Variants in ADAMTS16 observed in about 807,000 individuals in gnomAD.
ADAMTS16 encodes the protein ADAM metallopeptidase with thrombospondin type 1 motif 16, also known as A disintegrin and metalloproteinase with thrombospondin motifs 16.
ADAMTS16 carries 94 observed loss-of-function variants against 145.8 expected under a neutral mutation model. That is an observed-to-expected ratio of 0.64 (90% CI 0.55 to 0.77). The LOEUF is 0.77. Among genes scored for constraint, ADAMTS16 ranks in the 30% least tolerant of loss-of-function variants. The pLI is 0.00. For synonymous variants in ADAMTS16, 659 were observed against 604.3 expected, an observed-to-expected ratio of 1.09 and a Z score of -1.33; for missense variants, 1,585 against 1,591.5, an observed-to-expected ratio of 1.00 and a Z score of 0.07.
In ADAMTS16 at chr5:5,222,803, C is replaced by A. The variant is rs763587606; in HGVS notation, c.1620C>A (p.Ala540=). The A allele has an allele frequency of 1.2e-6, 2 of 1,613,950 alleles. No homozygotes were observed. Among genetic ancestry groups the A allele is most frequent in the South Asian group, 2.2e-5 (2 of 91,062 alleles). ...AATTTCTTTAGGACATCTGTAAAGC[C>A]CTGTGGTGCCATCGTATTGGAAGGA... ...MLDFKKDICK[A]LWCHRIGRKC... is the part of the protein sequence containing the mutation. The change falls in exon 11 of 23, where the codon GCC becomes GCA. Residue 540 remains alanine (A), a synonymous_variant. Transcript: ENST00000274181.
intron 12 of ADAMTS16, among the ~76,000 whole-genome samples, chr5:5,233,568 A>G (rs185513523): frequency 6.6e-6 from 1 of 152,126 alleles, no homozygotes; most frequent in East Asian, 1.9e-4. Flanking sequence ...TTCAGCTCTC[A>G]CTTATAAGTG....
chr5:5,215,868 G>GTGTATGTA (rs1553991470), intron 10 of ADAMTS16, among the ~76,000 whole-genome samples: 1 of 51,086 alleles, frequency 2.0e-5, no homozygotes, highest in African/African-American at 5.9e-5. Flanking sequence ...TGGTGTGTAT[G>GTGTATGTA]TGTATATATA....
intron 10 of ADAMTS16, among the ~76,000 whole-genome samples, chr5:5,216,209 T>C (rs1736436173): frequency 6.6e-6 from 1 of 151,948 alleles, no homozygotes; most frequent in South Asian, 2.1e-4. Flanking sequence ...ACATCTACTG[T>C]TTTTTGATTT....
intron 11 of ADAMTS16, among the ~76,000 whole-genome samples, chr5:5,231,189 A>T (rs1345705392): frequency 6.6e-6 from 1 of 152,148 alleles, no homozygotes; most frequent in Non-Finnish European, 1.5e-5. Flanking sequence ...ACCGGGTGGG[A>T]GGGCAGGCAG....
chr5:5,316,888 G>T (rs1249222304), intron 21 of ADAMTS16, among the ~76,000 whole-genome samples: 1 of 152,198 alleles, frequency 6.6e-6, no homozygotes, highest in East Asian at 1.9e-4. Flanking sequence ...CAGAGAACAA[G>T]CCTGGTATCC....
chr5:5,146,986 C>T (rs1435791948), intron 3 of ADAMTS16, among the ~76,000 whole-genome samples: 1 of 152,094 alleles, frequency 6.6e-6, no homozygotes, highest in Non-Finnish European at 1.5e-5. Context: ...ACTGATGAAT[C>T]CAGGGGTGCA....
chr5:5,260,037 C>G (rs1353159930), intron 17 of ADAMTS16, among the ~76,000 whole-genome samples: 1 of 152,226 alleles, frequency 6.6e-6, no homozygotes, highest in Non-Finnish European at 1.5e-5. Flanking sequence ...GTTGAATCTA[C>G]AGACTTACCA....
intron 14 of ADAMTS16, among the ~76,000 whole-genome samples, chr5:5,237,549 A>G (rs1263154270): frequency 2.0e-5 from 3 of 152,180 alleles, no homozygotes; most frequent in Admixed American, 6.5e-5. Flanking sequence ...GAGGGTCTCC[A>G]AGGCCGACTC....
chr5:5,241,629 G>T (rs549085960), intron 16 of ADAMTS16, among the ~76,000 whole-genome samples: 22 of 152,274 alleles, frequency 1.4e-4, no homozygotes, highest in South Asian at 6.2e-4. Context: ...TCCCTCAGAT[G>T]CAGGGATTTG....
chr5:5,236,272 T>C (rs2964434), intron 13 of ADAMTS16, among the ~76,000 whole-genome samples: 150,367 of 151,946 alleles, frequency 0.99, 74,423 homozygotes, highest in Non-Finnish European at 1. Context: ...CTAAGACAGA[T>C]GAAATTTTCA....
At chr5:5,168,681 T>C (rs989126439) in intron 3 of ADAMTS16, among the ~76,000 whole-genome samples, 1 of 17,704 alleles carries the variant, frequency 5.6e-5, no homozygotes, top group Non-Finnish European at 1.1e-4. Context: ...TAATTATAAT[T>C]ATATAATTAT....
chr5:5,209,472 G>A (rs1736217740), intron 10 of ADAMTS16, among the ~76,000 whole-genome samples: 1 of 152,192 alleles, frequency 6.6e-6, no homozygotes, highest in Non-Finnish European at 1.5e-5. Flanking sequence ...GACTTGGCCT[G>A]TTAGGTTGGA....
At position 5,140,652 on chromosome 5, in the gene ADAMTS16, T is replaced by G. The variant is rs1366315879; in HGVS notation, c.73-12T>G. The G allele has an allele frequency of 6.5e-7, 1 of 1,541,854 alleles. No homozygotes were observed. The highest frequency in any genetic ancestry group is 8.7e-7 in the Non-Finnish European group (1 of 1,147,844). ...CGCCGTCTCACCGCGATGTCGCCGC[T>G]GTTTTCCGCAGGCACCTGCGTGCGC... On this transcript the variant is annotated splice_polypyrimidine_tract_variant and intron_variant, in intron 1 of 22. Transcript: ENST00000274181.
At chr5:5,186,301 G>GGTGTGTGT (rs1553989063) in intron 5 of ADAMTS16, 50 bp downstream of exon 5, 279 of 987,356 alleles carry the variant, frequency 2.8e-4, no homozygotes, top group African/African-American at 1.7e-3. Flanking sequence ...CACTTCGTAG[G>GGTGTGTGT]GTGTGTGTGT....
intron 6 of ADAMTS16, 75 bp from the exon 7 acceptor site, chr5:5,189,896 T>A: frequency 6.4e-7 from 1 of 1,556,942 alleles, no homozygotes; most frequent in Non-Finnish European, 8.8e-7. Flanking sequence ...AATAATAGTT[T>A]GCTGTGATGA....
At chr5:5,316,223 C>G (rs1005314134) in intron 21 of ADAMTS16, among the ~76,000 whole-genome samples, 2 of 152,290 alleles carry the variant, frequency 1.3e-5, no homozygotes, top group African/African-American at 4.8e-5. Flanking sequence ...CTGACATACT[C>G]TCTTGTAGGT....
chr5:5,178,571 A>T (rs758897714), intron 3 of ADAMTS16, among the ~76,000 whole-genome samples: 1 of 152,226 alleles, frequency 6.6e-6, no homozygotes, highest in Non-Finnish European at 1.5e-5. Context: ...TATCAGTCTT[A>T]TCAGTTACTA....
chr5:5,294,274 G>A (rs989254243), intron 18 of ADAMTS16, among the ~76,000 whole-genome samples: 1 of 152,184 alleles, frequency 6.6e-6, no homozygotes, highest in Non-Finnish European at 1.5e-5. Flanking sequence ...TCATCTATAA[G>A]ACTTCGAAAT....
At chr5:5,243,911 T>C (rs1449259337) in intron 17 of ADAMTS16, among the ~76,000 whole-genome samples, 1 of 152,230 alleles carries the variant, frequency 6.6e-6, no homozygotes, top group Non-Finnish European at 1.5e-5. Context: ...TAAGGAATAA[T>C]TGAGAGTTTC....
Sources: allele counts gnomAD v4.1 joint callset (sites outside exome capture counted in the v4.1 genomes callset), GRCh38; gene constraint gnomAD v4.1.1; transcripts MANE v1.5; gene names NCBI Gene and HGNC (gene_info 2026-07-23, HGNC 2026-07-21).